Variants in CUX2 observed in about 807,000 individuals in gnomAD.
The protein encoded by CUX2 is homeobox protein cut-like 2.
In CUX2, 40 loss-of-function variants were observed where a neutral mutation model predicts 144.8. The ratio of observed to expected loss-of-function variants is 0.28; its 90% CI spans 0.21 to 0.36. The LOEUF (loss-of-function observed/expected upper bound fraction) is 0.36, where lower values mean the gene tolerates loss of function less well. CUX2 is among the 10% of genes least tolerant of loss of function. CUX2 has a pLI of 1.00. For missense variants in CUX2, 1,615 were observed against 1,994.0 expected, an observed-to-expected ratio of 0.81 and a Z score of 3.62; for synonymous variants, 827 against 875.6, an observed-to-expected ratio of 0.94 and a Z score of 0.98.
rs10525230 is a variant in CUX2 at position 111,061,178 on chromosome 12, GCACACACACA to G, written c.63+26967_63+26976del. ...TGTCCCCAGATGTGTGCATGCATATGCACACACACACACACACACACACACACACACACAC... is the reference window on the plus strand; with the variant it reads ...TGTCCCCAGATGTGTGCATGCATATGCACACACACACACACACACACACAC... On this transcript the variant is annotated intron_variant, in intron 1 of 21. Transcript: ENST00000261726. The surrounding 1 kb of genome is among the most constrained non-coding windows in gnomAD (Gnocchi z 4.2). Among the ~76,000 whole-genome samples the G allele has an allele frequency of 5.9e-4, 85 of 143,726 alleles. No homozygotes were observed. The highest frequency in any genetic ancestry group is 3.5e-3 in the Middle Eastern group (1 of 282). The allele number at this position is 143,726 out of a possible 152,430, so 94.3% of individuals were successfully genotyped here.
rs1395681659 is a variant in CUX2 at position 111,310,797 on chromosome 12, C to T, written c.1900+115C>T. ...AAAGCCCAGCTCTACCACCACCTGG[C>T]TGTGTGACCCAGGGCCAGTGGCTTT... On this transcript the variant is annotated intron_variant, in intron 15 of 21. Coordinates refer to ENST00000261726, the MANE Select transcript of CUX2 (RefSeq NM_015267.4). This position sits in a 1 kb window ranked among gnomAD's most constrained non-coding sequence, Gnocchi z 7.9. 1 of 1,233,986 alleles carries T rather than the reference C, an allele frequency of 8.1e-7. No homozygotes were observed. Among genetic ancestry groups the T allele is most frequent in the East Asian group, 2.6e-5 (1 of 39,186 alleles). 76.4% of individuals were successfully genotyped at this position (1,233,986 alleles called of 1,614,324 possible). A position where few individuals can be genotyped will look rare whatever the true frequency, so the allele number is the denominator to read the frequency against.
intron 1 of CUX2, among the ~76,000 whole-genome samples, chr12:111,210,806 A>G (rs1881181604): frequency 6.9e-6 from 1 of 144,806 alleles, no homozygotes; most frequent in African/African-American, 2.6e-5. Flanking sequence ...TCAAAAAAAA[A>G]AAAAGACAAC....
chr12:111,259,031 C>CTA (rs1351800495), intron 3 of CUX2, among the ~76,000 whole-genome samples: 10 of 132,218 alleles, frequency 7.6e-5, no homozygotes, highest in African/African-American at 2.8e-4. Context: ...CCACACCCAG[C>CTA]TGTGTGTGTG....
intron 1 of CUX2, among the ~76,000 whole-genome samples, chr12:111,036,895 C>T (rs533005190): frequency 7.6e-6 from 1 of 130,912 alleles, no homozygotes; most frequent in African/African-American, 2.8e-5. Flanking sequence ...AGGCCCGCAG[C>T]CCCCCACCCC....
At chr12:111,075,057 G>T (rs1029833386) in intron 1 of CUX2, among the ~76,000 whole-genome samples, 1 of 152,134 alleles carries the variant, frequency 6.6e-6, no homozygotes, top group African/African-American at 2.4e-5. Context: ...CACACCTGAG[G>T]GCTGCAGAGG....
chr12:111,280,143 G>A (rs1885053602), intron 4 of CUX2, among the ~76,000 whole-genome samples: 1 of 152,016 alleles, frequency 6.6e-6, no homozygotes, highest in Non-Finnish European at 1.5e-5. Context: ...ACAAAAACTA[G>A]CTGGGCATCG....
intron 20 of CUX2, 26 bp downstream of exon 20, chr12:111,338,500 C>G (rs764001136): frequency 3.8e-6 from 6 of 1,585,460 alleles, no homozygotes; most frequent in Non-Finnish European, 1.7e-6. Context: ...AGGATGGGCC[C>G]CAGCACTGGG....
intron 1 of CUX2, among the ~76,000 whole-genome samples, chr12:111,101,300 G>A (rs73413555): frequency 0.032 from 4,823 of 152,102 alleles, 243 homozygotes; most frequent in African/African-American, 0.11. Context: ...CACAGCCCTG[G>A]AGACTGTCAG....
chr12:111,274,245 A>T (rs1884757542), intron 4 of CUX2, among the ~76,000 whole-genome samples: 1 of 151,924 alleles, frequency 6.6e-6, no homozygotes, highest in Non-Finnish European at 1.5e-5. Context: ...CTTTATTTTT[A>T]TTGTAAGGCA....
intron 16 of CUX2, among the ~76,000 whole-genome samples, chr12:111,318,854 T>A (rs972843710): frequency 6.6e-6 from 1 of 151,796 alleles, no homozygotes; most frequent in Non-Finnish European, 1.5e-5. Flanking sequence ...TTGCAGAGAC[T>A]GAGTTTTGCC....
At chr12:111,074,831 C>T (rs938573846) in intron 1 of CUX2, among the ~76,000 whole-genome samples, 1 of 152,004 alleles carries the variant, frequency 6.6e-6, no homozygotes, top group Non-Finnish European at 1.5e-5. Context: ...CTCGTGGTAC[C>T]GGCCAGGTCT....
chr12:111,295,678 G>A lies in CUX2; in HGVS notation c.637+269G>A, dbSNP rs1885939665. On this transcript the variant is annotated intron_variant, in intron 7 of 21. Coordinates refer to ENST00000261726, the MANE Select transcript of CUX2 (RefSeq NM_015267.4). The surrounding 1 kb of genome is among the most constrained non-coding windows in gnomAD (Gnocchi z 5.0). ...CACATGTGTAATCCTGGCACTTTGG[G>A]AGGCTGAAGTGGGAGGGTCGCTTGA... Among the ~76,000 whole-genome samples the A allele has an allele frequency of 6.6e-6, 1 of 152,092 alleles. No homozygotes were observed. The highest frequency in any genetic ancestry group is 1.5e-5 in the Non-Finnish European group (1 of 68,020).
At chr12:111,339,006 G>A (rs939514713) in intron 20 of CUX2, among the ~76,000 whole-genome samples, 2 of 152,156 alleles carry the variant, frequency 1.3e-5, no homozygotes, top group Non-Finnish European at 2.9e-5. Flanking sequence ...GCTGAGGCGG[G>A]CAGATCACCT....
chr12:111,230,642 G>A (rs1882422143), intron 3 of CUX2, among the ~76,000 whole-genome samples: 1 of 152,198 alleles, frequency 6.6e-6, no homozygotes, highest in African/African-American at 2.4e-5. Context: ...CTAGCATGAG[G>A]CTTGAGTGTC....
In CUX2 at chr12:111,295,821, C is replaced by T. The variant is rs572656720; in HGVS notation, c.637+412C>T. ...AGGGGCCAAAACGCTACCAAGCCAC[C>T]GACTTAGGGGAGGCGTTGGGGAGGG... On this transcript the variant is annotated intron_variant, in intron 7 of 21. Transcript: ENST00000261726. The surrounding 1 kb of genome is among the most constrained non-coding windows in gnomAD (Gnocchi z 5.0). 1.1e-4 allele frequency among the ~76,000 whole-genome samples: 16 copies of T among 151,826 alleles called. No individual in the cohort carries two copies. The highest frequency in any genetic ancestry group is 2.0e-4 in the Admixed American group (3 of 15,234).
In CUX2 at chr12:111,061,282, C is replaced by T. The variant is rs544277580; in HGVS notation, c.63+27042C>T. On this transcript the variant is annotated intron_variant, in intron 1 of 21. Transcript: ENST00000261726. This position sits in a 1 kb window ranked among gnomAD's most constrained non-coding sequence, Gnocchi z 4.2. ...CCATGCACACCACAGTCCATGGCAT[C>T]CTTTGCTCTCCTTTCTTCCTATTTT... Among the ~76,000 whole-genome samples, 79 of 152,110 alleles carry T rather than the reference C, an allele frequency of 5.2e-4. No homozygotes were observed. The highest frequency in any genetic ancestry group is 9.3e-4 in the Non-Finnish European group (63 of 68,000).
intron 1 of CUX2, among the ~76,000 whole-genome samples, chr12:111,175,003 A>T (rs1472204199): frequency 6.6e-6 from 1 of 152,188 alleles, no homozygotes; most frequent in Non-Finnish European, 1.5e-5. Context: ...TGCAGTCTAA[A>T]TTGTCTCTGG....
At chr12:111,129,057 C>G (rs1429302460) in intron 1 of CUX2, among the ~76,000 whole-genome samples, 1 of 152,246 alleles carries the variant, frequency 6.6e-6, no homozygotes, top group African/African-American at 2.4e-5. Context: ...GGTTGCAGGA[C>G]TAACTAGATG....
intron 9 of CUX2, among the ~76,000 whole-genome samples, chr12:111,300,046 C>T (rs957858437): frequency 6.6e-6 from 1 of 152,168 alleles, no homozygotes; most frequent in Admixed American, 6.5e-5. Context: ...GCCACCACGC[C>T]GTGCTAATTT....
Sources: gnomAD v4.1 joint callset for allele counts (sites outside exome capture counted in the v4.1 genomes callset) on GRCh38, gnomAD v4.1.1 for gene constraint, Gnocchi (gnomAD v3.1) non-coding constraint, MANE v1.5 for transcripts, NCBI Gene and HGNC (gene_info 2026-07-23, HGNC 2026-07-21) for gene names.